Variants in MYH16 observed in about 807,000 individuals in gnomAD.
The protein encoded by MYH16 is myosin heavy chain 16.
At chr7:99,277,476 C>T in intron 20 of MYH16, 63 bp from the exon 3 acceptor site, 1 of 416,698 alleles carries the variant, frequency 2.4e-6, no homozygotes, top group South Asian at 1.8e-5. Context: ...ACTCCACAGC[C>T]CTCCGTCTAC....
At chr7:99,264,926 TG>T (rs1791972343) in intron 15 of MYH16, among the ~76,000 whole-genome samples, 2 of 152,244 alleles carry the variant, frequency 1.3e-5, no homozygotes, top group South Asian at 4.1e-4. Context: ...TGGCACTTTC[TG>T]CAATGATGAA....
chr7:99,270,144 T>C (rs1312796981), intron 18 of MYH16, among the ~76,000 whole-genome samples: 1 of 151,220 alleles, frequency 6.6e-6, no homozygotes, highest in Non-Finnish European at 1.5e-5. Context: ...GGATTACAGG[T>C]GTGAGCCATC....
chr7:99,297,207 G>A (rs527457055), intron 34 of MYH16, among the ~76,000 whole-genome samples: 11 of 151,760 alleles, frequency 7.2e-5, no homozygotes, highest in Admixed American at 2.0e-4. Context: ...TGAGGCGGGC[G>A]GATCACTTGA....
intron 17 of MYH16, chr7:99,265,826 C>A (rs1423480217): frequency 6.6e-6 from 1 of 152,542 alleles, no homozygotes; most frequent in Non-Finnish European, 1.5e-5. Flanking sequence ...ACACACTGGC[C>A]CAAATTTCAG....
intron 20 of MYH16, among the ~76,000 whole-genome samples, chr7:99,274,877 C>T (rs184876295): frequency 1.9e-4 from 29 of 152,038 alleles, no homozygotes; most frequent in African/African-American, 6.7e-4. Flanking sequence ...TTTTACCATG[C>T]TGGCCAGGCT....
At chr7:99,293,082 G>A (rs565709943) in intron 32 of MYH16, among the ~76,000 whole-genome samples, 37 of 152,250 alleles carry the variant, frequency 2.4e-4, no homozygotes, top group African/African-American at 6.5e-4. Flanking sequence ...GCCCATGCAC[G>A]CAGGGAAGCC....
intron 19 of MYH16, among the ~76,000 whole-genome samples, 93 bp from the exon 1 acceptor site, chr7:99,272,746 C>CAA (rs111962523): frequency 7.2e-6 from 1 of 139,692 alleles, no homozygotes; most frequent in Non-Finnish European, 1.6e-5. Flanking sequence ...GACCCTGTCT[C>CAA]AAAAAAAAAA....
exon 1 of MYH16, chr7:99,238,942 G>C (rs1353095208): frequency 6.5e-6 from 1 of 152,748 alleles, no homozygotes; most frequent in Non-Finnish European, 1.5e-5. Flanking sequence ...ACATTAAGAG[G>C]TCCTGCTGGG....
chr7:99,292,728 G>A (rs899919706), intron 32 of MYH16, among the ~76,000 whole-genome samples: 7 of 152,228 alleles, frequency 4.6e-5, no homozygotes, highest in Non-Finnish European at 7.3e-5. Context: ...GGGAGGCCAA[G>A]GTGGGAGGAT....
chr7:99,294,187 G>A (rs115570691), intron 33 of MYH16, 37 bp downstream of exon 14: 262 of 443,232 alleles, frequency 5.9e-4, no homozygotes, highest in African/African-American at 4.8e-3. Context: ...CCTATTTACC[G>A]GGGCAGAGAG....
At chr7:99,251,398 G>A (rs1791807481) in intron 6 of MYH16, among the ~76,000 whole-genome samples, 1 of 152,174 alleles carries the variant, frequency 6.6e-6, no homozygotes, top group Admixed American at 6.5e-5. Flanking sequence ...ATCCCTCGTG[G>A]AATTCAGCTC....
chr7:99,292,103 A>T (rs1792389981), intron 31 of MYH16, among the ~76,000 whole-genome samples: 1 of 152,252 alleles, frequency 6.6e-6, no homozygotes, highest in Admixed American at 6.5e-5. Flanking sequence ...TGTATAACTA[A>T]ATGAAATTAC....
chr7:99,280,277 A>G (rs1792185481), intron 22 of MYH16, among the ~76,000 whole-genome samples: 1 of 152,272 alleles, frequency 6.6e-6, no homozygotes, highest in South Asian at 2.1e-4. Flanking sequence ...GTTAAGTGTC[A>G]CTGCATGGGA....
At chr7:99,275,105 C>A (rs557537483) in intron 20 of MYH16, among the ~76,000 whole-genome samples, 49 of 152,202 alleles carry the variant, frequency 3.2e-4, no homozygotes, top group African/African-American at 1.0e-3. Flanking sequence ...GCGATCCTTC[C>A]ACCTCAGCCT....
At chr7:99,249,838 T>C (rs139871038) in intron 4 of MYH16, 1 of 152,100 alleles carries the variant, frequency 6.6e-6, no homozygotes, top group Non-Finnish European at 1.5e-5. Context: ...ATTACAGGCA[T>C]GAGCCACTGT....
At chr7:99,284,725 G>A (rs1156827214) in intron 25 of MYH16, 120 bp from the exon 8 acceptor site, 9 of 411,340 alleles carry the variant, frequency 2.2e-5, no homozygotes, top group Non-Finnish European at 4.4e-5. Flanking sequence ...GAAGGGGCTG[G>A]GAGGTACGTG....
At chr7:99,255,059 A>G in intron 8 of MYH16, among the ~76,000 whole-genome samples, 1 of 152,178 alleles carries the variant, frequency 6.6e-6, no homozygotes. Flanking sequence ...ATCTGAAGTC[A>G]GGAGTTCGAA....
Position 99,277,878 on chromosome 7 carries a change from C to CGTGTGTGT in MYH16, n.2659+198_2659+205dup, listed in dbSNP as rs61634087. 4.9e-3 allele frequency among the ~76,000 whole-genome samples: 600 copies of CGTGTGTGT among 121,430 alleles called. 1 individual carries two copies. The highest frequency in any genetic ancestry group is 0.02 in the African/African-American group (507 of 24,902). The allele number at this position is 121,430 out of a possible 152,430, so 79.7% of individuals were successfully genotyped here. A position where few individuals can be genotyped will look rare whatever the true frequency, so the allele number is the denominator to read the frequency against. On this transcript the variant is annotated intron_variant and non_coding_transcript_variant, in intron 21 of 41. Transcript: ENST00000439784. ...ACTTCCAAAAAGTCTCCATCCAATT[C>CGTGTGTGT]GTGTGTGTGTGTGTGTGTGTGTGTG...
chr7:99,244,594 A>G (rs1388441668), intron 2 of MYH16, among the ~76,000 whole-genome samples: 1 of 152,002 alleles, frequency 6.6e-6, no homozygotes, highest in African/African-American at 2.4e-5. Flanking sequence ...GGCTTCTGTG[A>G]CCCCAGATTC....
Sources: allele counts gnomAD v4.1 joint callset (sites outside exome capture counted in the v4.1 genomes callset), GRCh38; gene constraint gnomAD v4.1.1; transcripts MANE v1.5; gene names NCBI Gene and HGNC (gene_info 2026-07-23, HGNC 2026-07-21).